EPHA6: variants seen among roughly 807,000 people sequenced by gnomAD.
The protein encoded by EPHA6 is ephrin type-A receptor 6.
EPHA6 carries 50 observed loss-of-function variants against 112.0 expected under a neutral mutation model. That is an observed-to-expected ratio of 0.45 (90% CI 0.36 to 0.56). The LOEUF (loss-of-function observed/expected upper bound fraction) is 0.56. Ranked by LOEUF, EPHA6 falls within the 20% of genes least tolerant of loss-of-function variation. The pLI, the probability that EPHA6 is intolerant of heterozygous loss-of-function variation, is 0.00. For missense variants in EPHA6, 1,280 were observed against 1,417.4 expected, an observed-to-expected ratio of 0.90 and a Z score of 1.56; for synonymous variants, 529 against 490.7, an observed-to-expected ratio of 1.08 and a Z score of -1.03.
At chr3:97,206,225 G>T (rs2077709236) in intron 3 of EPHA6, among the ~76,000 whole-genome samples, 1 of 151,808 alleles carries the variant, frequency 6.6e-6, no homozygotes, top group Admixed American at 6.6e-5. Context: ...TCTTGTCTGG[G>T]TCAATGACTT....
At chr3:96,988,435 G>A (rs1215519729) in intron 3 of EPHA6, among the ~76,000 whole-genome samples, 1 of 152,052 alleles carries the variant, frequency 6.6e-6, no homozygotes, top group African/African-American at 2.4e-5. Context: ...AAAAAGCAAT[G>A]AGATTCAAAA....
chr3:96,829,949 G>GCACACACACACACACA (rs67227502), intron 1 of EPHA6, among the ~76,000 whole-genome samples: 1 of 136,034 alleles, frequency 7.4e-6, no homozygotes, highest in Non-Finnish European at 1.6e-5. Context: ...GCGCGCGCGC[G>GCACACACACACACACA]CACACACACA....
In EPHA6 at chr3:97,755,021, C is replaced by T. The variant is rs188268241; in HGVS notation, c.*6320C>T. Among the ~76,000 whole-genome samples the T allele has an allele frequency of 1.2e-3, 181 of 152,274 alleles. No homozygotes were observed. Among genetic ancestry groups the T allele is most frequent in the African/African-American group, 4.2e-3 (175 of 41,550 alleles). ...CCCGGCCACAAAGTTTTCTTTTAAACAAAACATGGAAAAGTTCTTGCTTGA... is the reference window on the plus strand; with the variant it reads ...CCCGGCCACAAAGTTTTCTTTTAAATAAAACATGGAAAAGTTCTTGCTTGA... On this transcript the variant is annotated 3_prime_UTR_variant, in exon 18 of 18. Transcript: ENST00000389672.
At chr3:96,973,137 C>G (rs1217122186) in intron 2 of EPHA6, among the ~76,000 whole-genome samples, 2 of 152,068 alleles carry the variant, frequency 1.3e-5, no homozygotes, top group African/African-American at 4.8e-5. Flanking sequence ...ATTTAGCTTG[C>G]TATAGAAACA....
intron 5 of EPHA6, among the ~76,000 whole-genome samples, chr3:97,396,473 A>T (rs893824312): frequency 6.6e-6 from 1 of 151,412 alleles, no homozygotes; most frequent in African/African-American, 2.4e-5. Context: ...TATTAGGAAA[A>T]TTAAAAAATA....
At chr3:97,364,467 T>C (rs1191806386) in intron 5 of EPHA6, among the ~76,000 whole-genome samples, 1 of 151,924 alleles carries the variant, frequency 6.6e-6, no homozygotes, top group African/African-American at 2.4e-5. Flanking sequence ...GGCAGACAAG[T>C]ATTCTTTATG....
At chr3:97,273,807 G>A (rs2079973395) in intron 5 of EPHA6, among the ~76,000 whole-genome samples, 2 of 152,274 alleles carry the variant, frequency 1.3e-5, no homozygotes, top group South Asian at 4.1e-4. Context: ...TCTGACAGAA[G>A]GGAAGAAATG....
At chr3:97,717,803 T>C (rs184526086) in intron 14 of EPHA6, among the ~76,000 whole-genome samples, 1 of 152,178 alleles carries the variant, frequency 6.6e-6, no homozygotes, top group Admixed American at 6.5e-5. Flanking sequence ...AATAAAACCG[T>C]ATGAAGGAAA....
intron 2 of EPHA6, among the ~76,000 whole-genome samples, chr3:96,882,730 C>CTGTGTGTG (rs1207060710): frequency 0.014 from 1,866 of 129,264 alleles, 24 homozygotes; most frequent in South Asian, 0.029. Context: ...CATTGTGTGT[C>CTGTGTGTG]TGTGTGTGTG....
intron 3 of EPHA6, among the ~76,000 whole-genome samples, chr3:97,054,572 A>T (rs2045792419): frequency 6.6e-6 from 1 of 152,138 alleles, no homozygotes; most frequent in Admixed American, 6.6e-5. Context: ...AAATAAGGAG[A>T]GGAATAAATG....
intron 2 of EPHA6, among the ~76,000 whole-genome samples, chr3:96,977,769 T>C (rs544261508): frequency 6.6e-6 from 1 of 152,312 alleles, no homozygotes; most frequent in East Asian, 1.9e-4. Context: ...TCAGAAGCCT[T>C]GTTGATAACA....
chr3:97,394,422 A>G (rs1351330110), intron 5 of EPHA6, among the ~76,000 whole-genome samples: 2 of 151,858 alleles, frequency 1.3e-5, no homozygotes, highest in African/African-American at 4.8e-5. Context: ...TAAACAATTG[A>G]GATTAGGTCA....
intron 10 of EPHA6, among the ~76,000 whole-genome samples, chr3:97,529,823 G>A (rs922976681): frequency 2.0e-5 from 3 of 151,960 alleles, no homozygotes; most frequent in African/African-American, 4.8e-5. Context: ...ATCATGCAAA[G>A]CTTGACATGA....
chr3:97,676,226 A>G (rs2031362700), intron 14 of EPHA6, among the ~76,000 whole-genome samples: 1 of 152,094 alleles, frequency 6.6e-6, no homozygotes, highest in South Asian at 2.1e-4. Flanking sequence ...GGGCACACCA[A>G]GCTGAGAGGC....
chr3:97,663,261 T>C (rs538392639), intron 14 of EPHA6, among the ~76,000 whole-genome samples: 1 of 152,280 alleles, frequency 6.6e-6, no homozygotes, highest in East Asian at 1.9e-4. Flanking sequence ...GATTGGTGTT[T>C]ATGTGACTTT....
chr3:97,272,258 G>C (rs2079907417), intron 5 of EPHA6, among the ~76,000 whole-genome samples: 1 of 152,086 alleles, frequency 6.6e-6, no homozygotes, highest in Admixed American at 6.5e-5. Flanking sequence ...ACTAATGGCA[G>C]CATCTCTTTC....
chr3:97,323,073 T>A (rs903229780), intron 5 of EPHA6, among the ~76,000 whole-genome samples: 11 of 151,996 alleles, frequency 7.2e-5, no homozygotes, highest in Non-Finnish European at 1.0e-4. Context: ...AAAATCTGTG[T>A]ATCTAAATTT....
At chr3:97,626,717 T>A (rs751399865) in intron 13 of EPHA6, among the ~76,000 whole-genome samples, 1 of 151,852 alleles carries the variant, frequency 6.6e-6, no homozygotes, top group Non-Finnish European at 1.5e-5. Context: ...AGCCAGATCA[T>A]ACCAGTTTGC....
intron 5 of EPHA6, among the ~76,000 whole-genome samples, chr3:97,291,527 T>C (rs930652526): frequency 1.3e-5 from 2 of 152,050 alleles, no homozygotes; most frequent in Non-Finnish European, 2.9e-5. Flanking sequence ...TACATAGAGT[T>C]TGTTCTTTCT....
Sources: gnomAD v4.1 joint callset for allele counts (sites outside exome capture counted in the v4.1 genomes callset) on GRCh38, gnomAD v4.1.1 for gene constraint, MANE v1.5 for transcripts, NCBI Gene and HGNC (gene_info 2026-07-23, HGNC 2026-07-21) for gene names.